The following MACROD2 variants were observed in gnomAD, a reference collection of about 807,000 sequenced individuals.
The protein encoded by MACROD2 is ADP-ribose glycohydrolase MACROD2.
MACROD2 carries 36 observed loss-of-function variants against 70.4 expected under a neutral mutation model. The observed-to-expected ratio is 0.51, with a 90% CI of 0.39 to 0.68. The LOEUF is 0.68. MACROD2 is among the 30% of genes least tolerant of loss of function. MACROD2 has a pLI of 0.00. For missense variants in MACROD2, 496 were observed against 538.4 expected (o/e 0.92, Z 0.78); for synonymous variants, 172 against 178.8 (o/e 0.96, Z 0.30).
At chr20:14,953,800 G>A (rs751093108) in intron 5 of MACROD2, among the ~76,000 whole-genome samples, 3 of 151,994 alleles carry the variant, frequency 2.0e-5, no homozygotes, top group Non-Finnish European at 2.9e-5. Flanking sequence ...TGCAAATTAG[G>A]GTCTTAAAAA....
At chr20:14,615,980 A>G (rs1307131379) in intron 4 of MACROD2, among the ~76,000 whole-genome samples, 1 of 152,136 alleles carries the variant, frequency 6.6e-6, no homozygotes, top group East Asian at 1.9e-4. Flanking sequence ...GAAGAGAGGC[A>G]CAGTGATAGA....
At chr20:14,890,993 C>CCTTCCTTCCTT (rs1568857423) in intron 5 of MACROD2, among the ~76,000 whole-genome samples, 8 of 55,098 alleles carry the variant, frequency 1.5e-4, no homozygotes, top group African/African-American at 6.3e-4. Flanking sequence ...CTTCCTTCCT[C>CCTTCCTTCCTT]CCTCCCTCCC....
chr20:14,734,239 C>T (rs1568765836), intron 5 of MACROD2, among the ~76,000 whole-genome samples: 2 of 152,120 alleles, frequency 1.3e-5, no homozygotes, highest in East Asian at 3.9e-4. Flanking sequence ...TGGCTCACAC[C>T]TGTAATCCCA....
intron 3 of MACROD2, among the ~76,000 whole-genome samples, chr20:14,126,407 T>G (rs190410819): frequency 2.1e-3 from 316 of 152,302 alleles, no homozygotes; most frequent in Middle Eastern, 6.8e-3. Flanking sequence ...AATAAACACA[T>G]TCTAAGGTAA....
rs1338669126 is a variant in MACROD2 at position 14,351,779 on chromosome 20, T to G, written c.272-141700T>G. On this transcript the variant is annotated intron_variant, in intron 3 of 17. Coordinates refer to ENST00000684519, the MANE Select transcript of MACROD2 (RefSeq NM_001351661.2). ...CTAGGACTTTCAGTTCTATGTTGAA[T>G]AACAGTGGTGAGAGTGGGCATCCTT... 2.0e-5 allele frequency among the ~76,000 whole-genome samples: 3 copies of G among 152,232 alleles called. No individual in the cohort carries two copies. The East Asian group carries it at 5.8e-4, about 29-fold the overall frequency.
intron 8 of MACROD2, among the ~76,000 whole-genome samples, chr20:15,809,795 T>C (rs969810352): frequency 6.6e-6 from 1 of 151,714 alleles, no homozygotes; most frequent in Non-Finnish European, 1.5e-5. Flanking sequence ...AGCTTAAGAA[T>C]AATGGAAAAT....
chr20:14,267,537 AT>A (rs1339135479), intron 3 of MACROD2, among the ~76,000 whole-genome samples: 2 of 152,118 alleles, frequency 1.3e-5, no homozygotes, highest in Non-Finnish European at 2.9e-5. Flanking sequence ...TCTATTTTAA[AT>A]TTCAAGAAGG....
At chr20:15,256,656 G>A (rs553117104) in intron 6 of MACROD2, among the ~76,000 whole-genome samples, 2 of 152,036 alleles carry the variant, frequency 1.3e-5, no homozygotes, top group South Asian at 4.1e-4. Context: ...GTTCCAGCCA[G>A]CAAAAATCCT....
chr20:15,709,400 T>C (rs1293279778), intron 8 of MACROD2, among the ~76,000 whole-genome samples: 2 of 152,070 alleles, frequency 1.3e-5, no homozygotes, highest in South Asian at 4.1e-4. Flanking sequence ...GTGGCTCATG[T>C]CTGTAATCCC....
chr20:15,881,148 GC>G (rs2064749548), intron 9 of MACROD2, among the ~76,000 whole-genome samples: 1 of 152,010 alleles, frequency 6.6e-6, no homozygotes, highest in African/African-American at 2.4e-5. Flanking sequence ...TATTTGACTA[GC>G]AAAAATAGTT....
At chr20:15,583,376 T>C (rs577176487) in intron 8 of MACROD2, among the ~76,000 whole-genome samples, 1 of 152,374 alleles carries the variant, frequency 6.6e-6, no homozygotes, top group Admixed American at 6.5e-5. Context: ...CCCTGAAGTC[T>C]CGATATTCAT....
intron 17 of MACROD2, 30 bp from the exon 18 acceptor site, chr20:16,049,800 A>G (rs2067433486): frequency 6.2e-7 from 1 of 1,612,234 alleles, no homozygotes; most frequent in African/African-American, 1.3e-5. Context: ...CTTATCTTTA[A>G]TCTAACAAAT....
chr20:15,083,214 G>A (rs1200393505), intron 5 of MACROD2, among the ~76,000 whole-genome samples: 1 of 152,120 alleles, frequency 6.6e-6, no homozygotes, highest in African/African-American at 2.4e-5. Context: ...AATGACTGCT[G>A]CTTCACATCT....
intron 8 of MACROD2, among the ~76,000 whole-genome samples, chr20:15,618,176 C>CATGGTT (rs2049067810): frequency 6.9e-6 from 1 of 145,850 alleles, no homozygotes; most frequent in Non-Finnish European, 1.5e-5. Context: ...TCCCCACACT[C>CATGGTT]ATGGTTCCTT....
At chr20:14,417,467 G>A (rs2083821779) in intron 3 of MACROD2, among the ~76,000 whole-genome samples, 1 of 152,138 alleles carries the variant, frequency 6.6e-6, no homozygotes, top group African/African-American at 2.4e-5. Context: ...AATATCTAGA[G>A]GGAGGCCAGA....
chr20:14,067,096 C>G (rs1188393292), intron 2 of MACROD2, among the ~76,000 whole-genome samples: 2 of 146,620 alleles, frequency 1.4e-5, no homozygotes, highest in Admixed American at 1.4e-4. Flanking sequence ...CAGGCGTGAG[C>G]TACTGCACCT....
intron 4 of MACROD2, among the ~76,000 whole-genome samples, chr20:14,521,479 T>A (rs368584083): frequency 6.6e-6 from 1 of 152,194 alleles, no homozygotes; most frequent in African/African-American, 2.4e-5. Context: ...TCCCTCTACC[T>A]GCAGGTTTGT....
At chr20:15,825,407 T>C (rs926625403) in intron 8 of MACROD2, among the ~76,000 whole-genome samples, 2 of 152,160 alleles carry the variant, frequency 1.3e-5, no homozygotes, top group Non-Finnish European at 2.9e-5. Context: ...TCCCAGCCAA[T>C]GCCAGCTGAC....
chr20:14,350,106 T>C (rs577527035), intron 3 of MACROD2, among the ~76,000 whole-genome samples: 1 of 152,276 alleles, frequency 6.6e-6, no homozygotes, highest in East Asian at 1.9e-4. Flanking sequence ...ATAAGTACCA[T>C]ATTTACTTTA....
Sources: allele counts gnomAD v4.1 joint callset (sites outside exome capture counted in the v4.1 genomes callset), GRCh38; gene constraint gnomAD v4.1.1; transcripts MANE v1.5; gene names NCBI Gene and HGNC (gene_info 2026-07-23, HGNC 2026-07-21).